Variants in MYO16 observed in about 807,000 individuals in gnomAD.
MYO16 encodes the protein unconventional myosin-XVI.
Under a neutral mutation model 205.3 loss-of-function variants are expected in MYO16, and 94 were observed. The ratio of observed to expected loss-of-function variants is 0.46; its 90% CI spans 0.39 to 0.54. MYO16 has a LOEUF of 0.54. Among genes scored for constraint, MYO16 ranks in the 20% least tolerant of loss-of-function variants. MYO16 has a pLI of 0.00. For missense variants in MYO16, 2,315 were observed against 2,387.5 expected (o/e 0.97, Z 0.63); for synonymous variants, 988 against 954.0 (o/e 1.04, Z -0.66).
intron 4 of MYO16, among the ~76,000 whole-genome samples, chr13:108,771,603 G>A (rs765919222): frequency 6.6e-6 from 1 of 152,002 alleles, no homozygotes; most frequent in Non-Finnish European, 1.5e-5. Flanking sequence ...AGAAATTTGC[G>A]GAGTGTTTTT....
intron 20 of MYO16, among the ~76,000 whole-genome samples, chr13:108,990,184 G>A (rs993577720): frequency 2.6e-4 from 32 of 121,612 alleles, no homozygotes; most frequent in African/African-American, 6.8e-4. Flanking sequence ...ACACACACAC[G>A]ACCAAAACAA....
At chr13:108,667,969 A>T (rs1247396549) in intron 2 of MYO16, among the ~76,000 whole-genome samples, 1 of 152,104 alleles carries the variant, frequency 6.6e-6, no homozygotes, top group African/African-American at 2.4e-5. Context: ...GAGCCTGGGG[A>T]TTAAGGATAT....
At chr13:109,180,160 T>C (rs1284814131) in intron 34 of MYO16, among the ~76,000 whole-genome samples, 1 of 152,186 alleles carries the variant, frequency 6.6e-6, no homozygotes, top group East Asian at 1.9e-4. Flanking sequence ...ACAAAACTGT[T>C]TGGAGGTGCA....
intron 22 of MYO16, among the ~76,000 whole-genome samples, chr13:109,010,202 G>C (rs1490417099): frequency 6.6e-6 from 1 of 152,146 alleles, no homozygotes; most frequent in East Asian, 1.9e-4. Flanking sequence ...ACATGGAGTA[G>C]AGCCATGCAA....
intron 27 of MYO16, among the ~76,000 whole-genome samples, chr13:109,066,825 C>T (rs1464217604): frequency 2.0e-5 from 3 of 152,076 alleles, no homozygotes; most frequent in Non-Finnish European, 4.4e-5. Context: ...GGCAACTAAA[C>T]CTTGATCTAC....
At chr13:108,550,726 CTCTT>C in the MYO16 span, among the ~76,000 whole-genome samples, 2 of 152,196 alleles carry the variant, frequency 1.3e-5, no homozygotes, top group African/African-American at 4.8e-5. Context: ...AGCTATCCCT[CTCTT>C]TTGGAAAAAA....
chr13:108,656,123 G>T (rs1438294232), intron 1 of MYO16, among the ~76,000 whole-genome samples: 2 of 152,028 alleles, frequency 1.3e-5, no homozygotes, highest in Non-Finnish European at 2.9e-5. Context: ...ATATGGTTTG[G>T]CTGTGTCCCC....
chr13:109,012,491 C>G (rs969095449), intron 22 of MYO16, among the ~76,000 whole-genome samples: 1 of 152,130 alleles, frequency 6.6e-6, no homozygotes, highest in African/African-American at 2.4e-5. Flanking sequence ...GTGACTGTAT[C>G]ATTGTTTCAT....
At chr13:108,982,466 T>C (rs138982982) in intron 20 of MYO16, among the ~76,000 whole-genome samples, 4 of 152,338 alleles carry the variant, frequency 2.6e-5, no homozygotes, top group African/African-American at 7.2e-5. Flanking sequence ...GGAACTGTAC[T>C]AATAAAAGCA....
At chr13:109,189,692 A>G (rs553461488) in intron 34 of MYO16, among the ~76,000 whole-genome samples, 45 of 150,422 alleles carry the variant, frequency 3.0e-4, no homozygotes, top group Middle Eastern at 3.4e-3. Context: ...AATAGTGGGG[A>G]AAAAAAATCG....
the MYO16 span, among the ~76,000 whole-genome samples, chr13:108,561,764 A>C: frequency 6.6e-6 from 1 of 152,180 alleles, no homozygotes; most frequent in African/African-American, 2.4e-5. Context: ...TTAAGGGAAA[A>C]AATGCATATT....
At chr13:109,047,073 A>G (rs1050080263) in intron 24 of MYO16, 82 bp downstream of exon 24, 11 of 1,045,186 alleles carry the variant, frequency 1.1e-5, no homozygotes, top group Middle Eastern at 2.4e-4. Context: ...ATTTTCCTAG[A>G]AAATATGCTA....
chr13:109,106,821 G>A (rs960473865), intron 28 of MYO16, among the ~76,000 whole-genome samples: 1 of 152,196 alleles, frequency 6.6e-6, no homozygotes, highest in African/African-American at 2.4e-5. Flanking sequence ...AGAAGATGTC[G>A]AGAACTTCGG....
At position 108,826,691 on chromosome 13, in the gene MYO16, CAAAT is replaced by C. The variant is rs1034291154; in HGVS notation, c.1097+3416_1097+3419del. 4.6e-5 allele frequency among the ~76,000 whole-genome samples: 7 copies of C among 151,942 alleles called. No individual in the cohort carries two copies. The South Asian group carries it at 6.2e-4, about 13-fold the overall frequency. ...TGCTTACAACTGAACAATAAAAAGA[CAAAT>C]AACTCCCTTAAAAATGGGCAATGCA... On this transcript the variant is annotated intron_variant, in intron 9 of 34. Transcript: ENST00000457511.
At chr13:108,592,043 A>T (rs1021459092), upstream of MYO16, among the ~76,000 whole-genome samples, 1 of 112,094 alleles carries the variant, frequency 8.9e-6, no homozygotes, top group African/African-American at 3.6e-5. Context: ...GATTAAAAAA[A>T]TTTAATTATA....
At chr13:108,766,482 G>A (rs763170697) in intron 4 of MYO16, among the ~76,000 whole-genome samples, 33 of 152,206 alleles carry the variant, frequency 2.2e-4, no homozygotes, top group Admixed American at 2.0e-4. Context: ...TTTGGGTAGA[G>A]AGGTTTAAGC....
chr13:108,726,041 G>T (rs1884324479), intron 3 of MYO16, among the ~76,000 whole-genome samples: 1 of 152,094 alleles, frequency 6.6e-6, no homozygotes, highest in African/African-American at 2.4e-5. Flanking sequence ...TGTTTTTAAT[G>T]GTACTATCCA....
chr13:108,648,815 C>T (rs1233948451), intron 1 of MYO16, among the ~76,000 whole-genome samples: 1 of 151,880 alleles, frequency 6.6e-6, no homozygotes, highest in Non-Finnish European at 1.5e-5. Flanking sequence ...GGAAAATGGC[C>T]CTTATACTCA....
At chr13:108,578,344 A>T in the MYO16 span, among the ~76,000 whole-genome samples, 7 of 152,372 alleles carry the variant, frequency 4.6e-5, no homozygotes, top group African/African-American at 1.7e-4. Context: ...ACGTGTTTAT[A>T]TAACAAAATA....
Sources: allele counts gnomAD v4.1 joint callset (sites outside exome capture counted in the v4.1 genomes callset), GRCh38; gene constraint gnomAD v4.1.1; transcripts MANE v1.5; gene names NCBI Gene and HGNC (gene_info 2026-07-23, HGNC 2026-07-21).